CSGALNACT1: variants seen among roughly 807,000 people sequenced by gnomAD.
CSGALNACT1 encodes the protein beta4GalNAcT-1.
CSGALNACT1 carries 52 observed loss-of-function variants against 51.0 expected under a neutral mutation model. The ratio of observed to expected loss-of-function variants is 1.02; its 90% CI spans 0.82 to 1.29. The LOEUF (loss-of-function observed/expected upper bound fraction) is 1.29. Ranked by LOEUF, CSGALNACT1 falls within the 50% of genes most tolerant of loss-of-function variation. The pLI is 0.00. For missense variants in CSGALNACT1, 935 were observed against 679.2 expected (o/e 1.38, Z -4.19); for synonymous variants, 341 against 254.4 (o/e 1.34, Z -3.24).
rs181261969 is a variant in CSGALNACT1 at position 19,688,752 on chromosome 8, C to T, written c.-297+69098G>A. 5 of 152,410 alleles carry T rather than the reference C, an allele frequency of 3.3e-5. No individual in the cohort carries two copies. The East Asian group carries it at 9.6e-4, about 29-fold the overall frequency. The allele number at this position is 152,410 out of a possible 1,614,324, so 9.4% of individuals were successfully genotyped here. The stretch of plus-strand genomic sequence containing the variant: ...AGCACTCTGAGAGCATCGTCTACAC[C>T]TGCTGCTTCCAGATCATCATCTCCC... On this transcript the variant is annotated intron_variant, in intron 1 of 1. Transcript: ENST00000517494.
chr8:19,694,464 G>A (rs1206627795), intron 1 of CSGALNACT1, among the ~76,000 whole-genome samples: 2 of 152,200 alleles, frequency 1.3e-5, no homozygotes. Flanking sequence ...AAGTTAAAAA[G>A]TTAAACAAAA....
intron 4 of CSGALNACT1, among the ~76,000 whole-genome samples, chr8:19,492,229 C>T (rs1031088920): frequency 7.9e-5 from 12 of 152,280 alleles, no homozygotes; most frequent in Non-Finnish European, 1.8e-4. Context: ...CAGCACACAG[C>T]CCTCACAATG....
intron 3 of CSGALNACT1, among the ~76,000 whole-genome samples, chr8:19,544,645 T>C (rs571925719): frequency 6.6e-6 from 1 of 152,210 alleles, no homozygotes; most frequent in Non-Finnish European, 1.5e-5. Flanking sequence ...TATTTTGTTA[T>C]AATTCTTAAA....
At chr8:19,658,801 A>G (rs1017277207) in intron 1 of CSGALNACT1, among the ~76,000 whole-genome samples, 1 of 152,172 alleles carries the variant, frequency 6.6e-6, no homozygotes, top group Non-Finnish European at 1.5e-5. Context: ...CCATATTTTC[A>G]TTAGCTATGA....
intron 1 of CSGALNACT1, among the ~76,000 whole-genome samples, chr8:19,608,891 G>C (rs1284026932): frequency 6.6e-6 from 1 of 152,184 alleles, no homozygotes; most frequent in Non-Finnish European, 1.5e-5. Context: ...AATGTCAACA[G>C]TTGAGAGATA....
At chr8:19,682,700 G>A (rs567005550), upstream of CSGALNACT1, 143 of 454,046 alleles carry the variant, frequency 3.1e-4, no homozygotes, top group African/African-American at 1.9e-3. Flanking sequence ...ACTCACCTCC[G>A]TGCAATTCGG....
intron 1 of CSGALNACT1, among the ~76,000 whole-genome samples, chr8:19,737,268 C>A (rs1341082133): frequency 6.6e-6 from 1 of 151,910 alleles, no homozygotes; most frequent in African/African-American, 2.4e-5. Flanking sequence ...GTATATATCT[C>A]CCAGAAAGAG....
chr8:19,404,180 TTTATTAGCTGTGC>T (rs1195918633), exon 10 of CSGALNACT1: 6 of 355,290 alleles, frequency 1.7e-5, no homozygotes, highest in African/African-American at 1.3e-4. Context: ...CAAATCATAT[TTTATTAGCTGTGC>T]AATACCACCT....
intron 4 of CSGALNACT1, among the ~76,000 whole-genome samples, chr8:19,495,755 T>G (rs966205489): frequency 5.3e-5 from 8 of 152,094 alleles, no homozygotes; most frequent in African/African-American, 1.2e-4. Context: ...AGTCTTGGCT[T>G]TATTTCTGAA....
intron 5 of CSGALNACT1, among the ~76,000 whole-genome samples, chr8:19,454,489 G>C (rs992442672): frequency 1.3e-5 from 2 of 152,274 alleles, no homozygotes; most frequent in Non-Finnish European, 2.9e-5. Flanking sequence ...TGACCAACGT[G>C]GTGAAACCCA....
At chr8:19,504,627 C>A (rs555077526) in intron 4 of CSGALNACT1, among the ~76,000 whole-genome samples, 1 of 152,304 alleles carries the variant, frequency 6.6e-6, no homozygotes, top group South Asian at 2.1e-4. Flanking sequence ...CTCTGACAAT[C>A]TGTATGATAT....
At chr8:19,405,854 T>C (rs1199355075) in exon 10 of CSGALNACT1, 2 of 1,614,070 alleles carry the variant, frequency 1.2e-6, no homozygotes, top group Non-Finnish European at 1.7e-6. Context: ...AACACCAGCA[T>C]GCCCAGCTGG....
At chr8:19,539,644 C>A (rs994437168) in intron 3 of CSGALNACT1, among the ~76,000 whole-genome samples, 7 of 152,176 alleles carry the variant, frequency 4.6e-5, no homozygotes, top group African/African-American at 1.7e-4. Context: ...AGGTGGCAGT[C>A]CTACTAAATA....
intron 4 of CSGALNACT1, among the ~76,000 whole-genome samples, chr8:19,469,034 T>C (rs2067421260): frequency 6.6e-6 from 1 of 151,960 alleles, no homozygotes; most frequent in Admixed American, 6.6e-5. Context: ...ACCCAACAGA[T>C]AAGTGAGGGC....
chr8:19,731,665 G>T (rs1361544583), intron 1 of CSGALNACT1, among the ~76,000 whole-genome samples: 2 of 152,152 alleles, frequency 1.3e-5, no homozygotes, highest in Non-Finnish European at 2.9e-5. Flanking sequence ...GTGGATAGAA[G>T]ATGGTTGCAC....
exon 4 of CSGALNACT1, chr8:19,505,543 A>T: frequency 6.2e-7 from 1 of 1,613,918 alleles, no homozygotes. Context: ...CTGGCTTGGT[A>T]CTGCCCATTC....
chr8:19,672,386 C>T (rs2059862243), intron 1 of CSGALNACT1, among the ~76,000 whole-genome samples: 1 of 152,206 alleles, frequency 6.6e-6, no homozygotes, highest in East Asian at 1.9e-4. Context: ...GGCTTCCATA[C>T]AGCCAGGGAG....
chr8:19,560,562 A>G (rs1053859237), intron 3 of CSGALNACT1, among the ~76,000 whole-genome samples: 2 of 152,222 alleles, frequency 1.3e-5, no homozygotes, highest in African/African-American at 4.8e-5. Flanking sequence ...ACACGATGGA[A>G]AAATGACCCA....
intron 1 of CSGALNACT1, among the ~76,000 whole-genome samples, chr8:19,692,110 C>A (rs1326129647): frequency 6.6e-6 from 1 of 152,134 alleles, no homozygotes; most frequent in Non-Finnish European, 1.5e-5. Flanking sequence ...CCTGAGAACT[C>A]ACTCACTATC....
Sources: allele counts gnomAD v4.1 joint callset (sites outside exome capture counted in the v4.1 genomes callset), GRCh38; gene constraint gnomAD v4.1.1; transcripts MANE v1.5; gene names NCBI Gene and HGNC (gene_info 2026-07-23, HGNC 2026-07-21).